Variants in ACTN2 observed in about 807,000 individuals in gnomAD.
ACTN2 encodes the protein actinin alpha 2.
In ACTN2, 39 loss-of-function variants were observed where a neutral mutation model predicts 113.8. That is an observed-to-expected ratio of 0.34 (90% CI 0.27 to 0.45). ACTN2 has a LOEUF of 0.45. Among genes scored for constraint, ACTN2 ranks in the 20% least tolerant of loss-of-function variants. The pLI is 1.00. For missense variants in ACTN2, 992 were observed against 1,177.9 expected (o/e 0.84, Z 2.31); for synonymous variants, 429 against 444.1 (o/e 0.97, Z 0.43).
intron 1 of ACTN2, among the ~76,000 whole-genome samples, chr1:236,715,418 A>G (rs1658165242): frequency 6.6e-6 from 1 of 151,406 alleles, no homozygotes; most frequent in Admixed American, 6.6e-5. Flanking sequence ...AATTCTTATC[A>G]TAATCTTACC....
chr1:236,734,649 T>C, intron 7 of ACTN2: 1 of 642,208 alleles, frequency 1.6e-6, no homozygotes, highest in East Asian at 2.8e-5. Flanking sequence ...GAGGCAGTTG[T>C]TTGTCTTTTT....
intron 15 of ACTN2, among the ~76,000 whole-genome samples, chr1:236,752,329 C>T (rs897574332): frequency 6.6e-6 from 1 of 152,044 alleles, no homozygotes; most frequent in African/African-American, 2.4e-5. Context: ...AACACACGTG[C>T]TGCAAGTTAG....
At chr1:236,729,062 G>A (rs888136186) in intron 6 of ACTN2, among the ~76,000 whole-genome samples, 15 of 152,156 alleles carry the variant, frequency 9.9e-5, no homozygotes, top group African/African-American at 3.4e-4. Context: ...GATTCAGAAG[G>A]GACCTTGATT....
intron 1 of ACTN2, among the ~76,000 whole-genome samples, chr1:236,696,272 C>T (rs527940844): frequency 4.7e-5 from 7 of 148,332 alleles, no homozygotes; most frequent in African/African-American, 1.2e-4. Flanking sequence ...GCAGTGAGAT[C>T]GTGTCACTGC....
intron 7 of ACTN2, among the ~76,000 whole-genome samples, chr1:236,732,731 C>T (rs1170770290): frequency 6.6e-6 from 1 of 152,178 alleles, no homozygotes; most frequent in Non-Finnish European, 1.5e-5. Context: ...ACATAAGCCA[C>T]TGTGCCTGGC....
intron 1 of ACTN2, among the ~76,000 whole-genome samples, chr1:236,707,728 T>G (rs1572102637): frequency 1.2e-5 from 1 of 84,814 alleles, no homozygotes; most frequent in Admixed American, 1.3e-4. Flanking sequence ...TTTTTTTTTT[T>G]TGAGATGGAG....
At chr1:236,740,511 G>C (rs1268419601) in intron 10 of ACTN2, among the ~76,000 whole-genome samples, 1 of 151,290 alleles carries the variant, frequency 6.6e-6, no homozygotes, top group African/African-American at 2.4e-5. Flanking sequence ...TGGCATTCAT[G>C]TTGTCAGAGC....
At chr1:236,721,342 C>T (rs1421773772) in intron 4 of ACTN2, among the ~76,000 whole-genome samples, 2 of 152,128 alleles carry the variant, frequency 1.3e-5, no homozygotes, top group African/African-American at 4.8e-5. Context: ...TTTAGGTACT[C>T]ATCAACCAAC....
chr1:236,739,626 C>A (rs1266182442), intron 10 of ACTN2, 94 bp downstream of exon 10: 18 of 1,410,174 alleles, frequency 1.3e-5, no homozygotes, highest in Admixed American at 1.2e-4. Flanking sequence ...GCATTGACTT[C>A]TTGAATCTTT....
At position 236,689,326 on chromosome 1, in the gene ACTN2, TATATATATATATAC is replaced by T. The variant is rs1177714255; in HGVS notation, c.126+2529_126+2542del. 8.4e-3 allele frequency among the ~76,000 whole-genome samples: 240 copies of T among 28,464 alleles called. 1 individual carries two copies. Among genetic ancestry groups the T allele is most frequent in the Non-Finnish European group, 0.013 (86 of 6,476 alleles). The allele number at this position is 28,464 out of a possible 152,430, so 18.7% of individuals were successfully genotyped here. A position where few individuals can be genotyped will look rare whatever the true frequency, so the allele number is the denominator to read the frequency against. On this transcript the variant is annotated intron_variant, in intron 1 of 20. Transcript: ENST00000366578. ...ATATATATATATATATATATATATA[TATATATATATATAC>T]ACACACATATGTATATTTTATATAT...
intron 20 of ACTN2, 140 bp downstream of exon 20, chr1:236,761,313 C>A: frequency 2.0e-6 from 2 of 986,852 alleles, no homozygotes; most frequent in South Asian, 1.4e-5. Context: ...CAGAAGGCAG[C>A]AGATAGACAC....
At chr1:236,723,212 T>C (rs1414975907) in intron 4 of ACTN2, among the ~76,000 whole-genome samples, 1 of 152,246 alleles carries the variant, frequency 6.6e-6, no homozygotes, top group Non-Finnish European at 1.5e-5. Context: ...TTAATTTCAT[T>C]GGTCAGGACT....
intron 6 of ACTN2, among the ~76,000 whole-genome samples, chr1:236,730,460 T>G (rs1658682661): frequency 6.6e-6 from 1 of 152,184 alleles, no homozygotes; most frequent in African/African-American, 2.4e-5. Flanking sequence ...GTTATTAAAA[T>G]TCGTTAAAGT....
rs534607483 is a variant in ACTN2, at chr1:236,755,100, A to C, written c.2056A>C (p.Ile686Leu). 6.2e-7 allele frequency: 1 copy of C among 1,614,226 alleles called. No individual in the cohort carries two copies. Among genetic ancestry groups the C allele is most frequent in the Admixed American group, 1.7e-5 (1 of 60,032 alleles). Residue 686 changes from isoleucine (I) to leucine (L), a missense_variant, in exon 17 of 21, where the codon ATC (isoleucine) becomes CTC (leucine). Physicochemically the swap from Ile to Leu is conservative, Grantham distance 5 (BLOSUM62 2). This residue lies in a region of ACTN2 where 736 missense variants were observed against 815.4 expected (regional missense o/e 0.90). Coordinates refer to ENST00000366578, the MANE Select transcript of ACTN2 (RefSeq NM_001103.4). ...NQLKQYEHNI[I>L]NYKNNIDKLE... is the part of the protein sequence containing the mutation. ...GCTGAAGCAGTATGAGCACAACATC[A>C]TCAACTATAAGAACAACATCGACAA... is the stretch of plus-strand genomic sequence containing the variant.
At chr1:236,738,686 A>G (rs897414160) in intron 9 of ACTN2, among the ~76,000 whole-genome samples, 3 of 152,216 alleles carry the variant, frequency 2.0e-5, no homozygotes, top group South Asian at 4.1e-4. Flanking sequence ...TCAGCAAGTC[A>G]TTTCTAAGAC....
intron 1 of ACTN2, among the ~76,000 whole-genome samples, chr1:236,706,866 G>T (rs1457324523): frequency 3.9e-5 from 6 of 152,210 alleles, no homozygotes; most frequent in African/African-American, 1.4e-4. Context: ...CCTGCTGGGT[G>T]CTGGGTTTTC....
chr1:236,728,958 CT>C (rs1181053527), intron 6 of ACTN2, among the ~76,000 whole-genome samples: 1 of 152,054 alleles, frequency 6.6e-6, no homozygotes, highest in East Asian at 2.0e-4. Flanking sequence ...CTTTCTGAAG[CT>C]TGTGGCTGCT....
At chr1:236,696,200 G>C (rs1262083743) in intron 1 of ACTN2, among the ~76,000 whole-genome samples, 1 of 151,848 alleles carries the variant, frequency 6.6e-6, no homozygotes, top group Non-Finnish European at 1.5e-5. Context: ...CCAGCTACTC[G>C]GGAGGCTGAG....
chr1:236,715,611 G>A (rs1377477944), intron 1 of ACTN2, among the ~76,000 whole-genome samples: 1 of 152,070 alleles, frequency 6.6e-6, no homozygotes, highest in African/African-American at 2.4e-5. Context: ...CTAAGTTTAA[G>A]TGGCTACTTC....
Sources: allele counts gnomAD v4.1 joint callset (sites outside exome capture counted in the v4.1 genomes callset), GRCh38; gene constraint gnomAD v4.1.1; regional missense constraint gnomAD v4.1.1; transcripts MANE v1.5; gene names NCBI Gene and HGNC (gene_info 2026-07-23, HGNC 2026-07-21).